Variants in CADPS2 observed in about 807,000 individuals in gnomAD.
CADPS2 encodes the protein calcium-dependent secretion activator 2.
CADPS2 carries 93 observed loss-of-function variants against 172.5 expected under a neutral mutation model. The ratio of observed to expected loss-of-function variants is 0.54; its 90% CI spans 0.46 to 0.64. The LOEUF is 0.64. CADPS2 is among the 30% of genes least tolerant of loss of function. The pLI is 0.00. For synonymous variants in CADPS2, 546 were observed against 555.2 expected (o/e 0.98, Z 0.23); for missense variants, 1,420 against 1,565.9 (o/e 0.91, Z 1.57).
chr7:122,570,688 G>A (rs959363646), intron 7 of CADPS2, among the ~76,000 whole-genome samples: 49 of 151,658 alleles, frequency 3.2e-4, no homozygotes, highest in African/African-American at 9.2e-4. Context: ...ATACACCATA[G>A]AATACTATGC....
intron 6 of CADPS2, among the ~76,000 whole-genome samples, chr7:122,584,597 T>G (rs1274393216): frequency 4.6e-5 from 7 of 151,962 alleles, no homozygotes; most frequent in Non-Finnish European, 1.0e-4. Context: ...TTATTCTAAT[T>G]TATCTATTTT....
intron 17 of CADPS2, among the ~76,000 whole-genome samples, chr7:122,437,548 AC>A (rs1195760288): frequency 6.6e-6 from 1 of 152,054 alleles, no homozygotes; most frequent in Non-Finnish European, 1.5e-5. Flanking sequence ...CAGGTAAGAA[AC>A]TTTTATTTTC....
intron 3 of CADPS2, among the ~76,000 whole-genome samples, chr7:122,650,246 T>A (rs139137625): frequency 0.014 from 2,184 of 151,930 alleles, 27 homozygotes; most frequent in Non-Finnish European, 0.025. Flanking sequence ...AAAAAATATA[T>A]ATCAAATATA....
At chr7:122,326,075 C>CA (rs35635790) in intron 28 of CADPS2, among the ~76,000 whole-genome samples, 32,534 of 138,754 alleles carry the variant, frequency 0.23, 3,836 homozygotes, top group South Asian at 0.31. Context: ...GTAGCGATGG[C>CA]AAAAAAAAAA....
chr7:122,837,707 C>A (rs571973901), intron 1 of CADPS2, among the ~76,000 whole-genome samples: 1 of 152,320 alleles, frequency 6.6e-6, no homozygotes, highest in East Asian at 1.9e-4. Flanking sequence ...TGGACACATA[C>A]ACTCTCCCAA....
chr7:122,612,674 A>C (rs555813572), intron 6 of CADPS2, among the ~76,000 whole-genome samples: 42 of 152,068 alleles, frequency 2.8e-4, no homozygotes, highest in Non-Finnish European at 5.9e-4. Flanking sequence ...ATCTTTGCAT[A>C]ATCTTTACAA....
At chr7:122,833,647 C>T (rs147428696) in intron 1 of CADPS2, among the ~76,000 whole-genome samples, 2,363 of 152,148 alleles carry the variant, frequency 0.016, 58 homozygotes, top group African/African-American at 0.054. Flanking sequence ...CTGCCCACCT[C>T]GGCCTCCGAA....
At chr7:122,491,282 G>T (rs1351926213) in intron 10 of CADPS2, 30 bp downstream of exon 10, 2 of 1,414,174 alleles carry the variant, frequency 1.4e-6, no homozygotes, top group South Asian at 1.2e-5. Context: ...ATACATACAT[G>T]GCAGGAAAAG....
intron 7 of CADPS2, among the ~76,000 whole-genome samples, chr7:122,562,743 G>A (rs1335623516): frequency 6.6e-6 from 1 of 152,046 alleles, no homozygotes; most frequent in Admixed American, 6.6e-5. Flanking sequence ...TCTATCATCA[G>A]CTTTGCTTAC....
chr7:122,824,172 C>T (rs916910090), intron 1 of CADPS2, among the ~76,000 whole-genome samples: 2 of 152,078 alleles, frequency 1.3e-5, no homozygotes, highest in Non-Finnish European at 2.9e-5. Flanking sequence ...TGAGTGTTTG[C>T]TTATATCATT....
chr7:122,498,874 A>G (rs993702586), intron 9 of CADPS2, among the ~76,000 whole-genome samples: 2 of 152,122 alleles, frequency 1.3e-5, no homozygotes, highest in Non-Finnish European at 2.9e-5. Flanking sequence ...GTAAATGATC[A>G]ATTTAGTTTT....
At chr7:122,770,288 G>A (rs543385167) in intron 1 of CADPS2, among the ~76,000 whole-genome samples, 1 of 152,042 alleles carries the variant, frequency 6.6e-6, no homozygotes, top group South Asian at 2.1e-4. Context: ...AATCATTGTA[G>A]TAAGTAGGAA....
intron 1 of CADPS2, among the ~76,000 whole-genome samples, chr7:122,745,310 T>G (rs2092676541): frequency 6.6e-6 from 1 of 151,886 alleles, no homozygotes; most frequent in Non-Finnish European, 1.5e-5. Context: ...TTCTTAAAAT[T>G]CTCTATATTT....
chr7:122,386,353 AC>A, intron 24 of CADPS2: 1 of 1,238,750 alleles, frequency 8.1e-7, no homozygotes, highest in Non-Finnish European at 1.1e-6. Context: ...ATGAAAGAGA[AC>A]AGAAGGGAAG....
intron 5 of CADPS2, among the ~76,000 whole-genome samples, chr7:122,619,160 C>T (rs1458167073): frequency 6.6e-6 from 1 of 151,788 alleles, no homozygotes; most frequent in South Asian, 2.1e-4. Context: ...TTTCAACAGG[C>T]AAAATATAAT....
intron 1 of CADPS2, among the ~76,000 whole-genome samples, chr7:122,755,228 C>G (rs1438781044): frequency 6.6e-6 from 1 of 152,162 alleles, no homozygotes; most frequent in Non-Finnish European, 1.5e-5. Flanking sequence ...TAAACATTAT[C>G]AAGTTATGCC....
intron 27 of CADPS2, 96 bp from the exon 28 acceptor site, chr7:122,345,777 A>G: frequency 1.3e-6 from 1 of 771,000 alleles, no homozygotes; most frequent in Non-Finnish European, 2.1e-6. Context: ...TTTGAAAATT[A>G]CAGTCATAAC....
At position 122,753,063 on chromosome 7, in the gene CADPS2, T is replaced by C. The variant is rs558691099; in HGVS notation, c.340-15995A>G. Among the ~76,000 whole-genome samples the C allele has an allele frequency of 4.6e-4, 70 of 152,310 alleles. 1 individual carries two copies. The highest frequency in any genetic ancestry group is 1.5e-3 in the African/African-American group (64 of 41,574). The stretch of plus-strand genomic sequence containing the variant: ...AGATATTCTGGCAGTAGATCAAAGT[T>C]ATTCAATGGCCCCGGGGTAAAATGA... On this transcript the variant is annotated intron_variant, in intron 1 of 29. Transcript: ENST00000449022.
chr7:122,802,434 C>T (rs868259104), intron 1 of CADPS2, among the ~76,000 whole-genome samples: 1 of 152,184 alleles, frequency 6.6e-6, no homozygotes. Context: ...GTCAGTCTCA[C>T]TCATTGGATC....
Sources: allele counts gnomAD v4.1 joint callset (sites outside exome capture counted in the v4.1 genomes callset), GRCh38; gene constraint gnomAD v4.1.1; transcripts MANE v1.5; gene names NCBI Gene and HGNC (gene_info 2026-07-23, HGNC 2026-07-21).